ZNF385B: variants seen among roughly 807,000 people sequenced by gnomAD.
ZNF385B encodes zinc finger protein 385B.
A neutral mutation model predicts 39.2 loss-of-function variants in ZNF385B; 23 were observed. The ratio of observed to expected loss-of-function variants is 0.59; its 90% CI spans 0.42 to 0.83. The LOEUF is 0.83. Among genes scored for constraint, ZNF385B ranks in the 40% least tolerant of loss-of-function variants. The pLI is 0.00. For missense variants in ZNF385B, 552 were observed against 598.9 expected, an observed-to-expected ratio of 0.92 and a Z score of 0.82; for synonymous variants, 205 against 222.6, an observed-to-expected ratio of 0.92 and a Z score of 0.70.
intron 5 of ZNF385B, among the ~76,000 whole-genome samples, chr2:179,509,193 T>C (rs1421204885): frequency 6.6e-6 from 1 of 152,128 alleles, no homozygotes; most frequent in African/African-American, 2.4e-5. Context: ...TGATCCATCA[T>C]AATCACTTTT....
At chr2:179,816,733 A>G (rs914533504) in intron 1 of ZNF385B, among the ~76,000 whole-genome samples, 1 of 152,214 alleles carries the variant, frequency 6.6e-6, no homozygotes, top group Non-Finnish European at 1.5e-5. Context: ...TGAATAAAAT[A>G]AATATCTAAA....
intron 5 of ZNF385B, among the ~76,000 whole-genome samples, chr2:179,493,322 T>C (rs1261680518): frequency 2.0e-5 from 3 of 151,910 alleles, no homozygotes; most frequent in African/African-American, 7.2e-5. Context: ...ATGGCATGTA[T>C]ATGTGTACAT....
At chr2:179,723,450 C>A (rs115989927) in intron 3 of ZNF385B, among the ~76,000 whole-genome samples, 3,134 of 152,160 alleles carry the variant, frequency 0.021, 101 homozygotes, top group African/African-American at 0.069. Context: ...GTAGGATATA[C>A]AAAATATATT....
intron 7 of ZNF385B, 128 bp downstream of exon 7, chr2:179,446,397 C>T (rs1574161003): frequency 7.5e-7 from 1 of 1,326,390 alleles, no homozygotes; most frequent in Non-Finnish European, 1.0e-6. Context: ...AAAATCACTC[C>T]TTTGAATCAA....
chr2:179,729,476 A>C (rs1246882636), intron 3 of ZNF385B, among the ~76,000 whole-genome samples: 1 of 152,218 alleles, frequency 6.6e-6, no homozygotes, highest in Non-Finnish European at 1.5e-5. Flanking sequence ...GTGAAAACCA[A>C]AAGGATAAAC....
At chr2:179,545,605 G>C (rs1181065689) in intron 3 of ZNF385B, among the ~76,000 whole-genome samples, 2 of 152,114 alleles carry the variant, frequency 1.3e-5, no homozygotes, top group Admixed American at 6.6e-5. Context: ...AGGGTGTTGG[G>C]GGACAGGTAG....
At chr2:179,572,962 G>T (rs1685401364) in intron 3 of ZNF385B, among the ~76,000 whole-genome samples, 1 of 152,080 alleles carries the variant, frequency 6.6e-6, no homozygotes. Context: ...AAAATATGTG[G>T]CTATCATTAA....
At chr2:179,648,505 T>C (rs1056974744) in intron 3 of ZNF385B, among the ~76,000 whole-genome samples, 1 of 152,142 alleles carries the variant, frequency 6.6e-6, no homozygotes, top group African/African-American at 2.4e-5. Context: ...TGCACATATA[T>C]ACGTTTGCTC....
At chr2:179,807,622 G>A (rs1013605518) in intron 1 of ZNF385B, among the ~76,000 whole-genome samples, 1 of 150,394 alleles carries the variant, frequency 6.6e-6, no homozygotes, top group East Asian at 2.0e-4. Context: ...AAGGCCAGGT[G>A]CGGTGGCTCA....
At chr2:179,777,018 T>C (rs1704362760) in intron 1 of ZNF385B, among the ~76,000 whole-genome samples, 2 of 152,060 alleles carry the variant, frequency 1.3e-5, no homozygotes, top group African/African-American at 4.8e-5. Flanking sequence ...AGTGCTATGA[T>C]TAATTCAGCT....
chr2:179,618,788 T>G (rs1307618117), intron 3 of ZNF385B, among the ~76,000 whole-genome samples: 1 of 152,178 alleles, frequency 6.6e-6, no homozygotes, highest in African/African-American at 2.4e-5. Context: ...ACTTCCATGT[T>G]TCTGCTGCCA....
intron 5 of ZNF385B, 47 bp downstream of exon 5, chr2:179,518,481 T>C (rs1473603451): frequency 7.4e-7 from 1 of 1,354,008 alleles, no homozygotes; most frequent in East Asian, 2.4e-5. Flanking sequence ...TCAATCAGAC[T>C]TTTAGCTCTG....
intron 3 of ZNF385B, among the ~76,000 whole-genome samples, chr2:179,693,710 C>T (rs767005370): frequency 1.3e-5 from 2 of 152,040 alleles, no homozygotes; most frequent in Middle Eastern, 3.2e-3. Context: ...ATCACAGGTA[C>T]GAACAGATTG....
At chr2:179,762,833 T>C (rs778986909) in intron 3 of ZNF385B, among the ~76,000 whole-genome samples, 1 of 152,210 alleles carries the variant, frequency 6.6e-6, no homozygotes, top group Non-Finnish European at 1.5e-5. Context: ...AATTTGTTTT[T>C]CAAGTGCTTT....
At chr2:179,809,947 G>T (rs1559215275) in intron 1 of ZNF385B, among the ~76,000 whole-genome samples, 11 of 151,918 alleles carry the variant, frequency 7.2e-5, no homozygotes. Flanking sequence ...AATGTAATGA[G>T]ATAATAATGA....
At chr2:179,632,850 A>G (rs150922191) in intron 3 of ZNF385B, among the ~76,000 whole-genome samples, 5,628 of 152,336 alleles carry the variant, frequency 0.037, 145 homozygotes, top group Middle Eastern at 0.065. Context: ...AATAGACACA[A>G]TAAAAAATGA....
At chr2:179,634,694 C>T (rs1691569556) in intron 3 of ZNF385B, among the ~76,000 whole-genome samples, 1 of 152,126 alleles carries the variant, frequency 6.6e-6, no homozygotes, top group African/African-American at 2.4e-5. Flanking sequence ...CCAGCAATCC[C>T]ATTACTGGGT....
At chr2:179,689,054 T>C (rs1391528564) in intron 3 of ZNF385B, among the ~76,000 whole-genome samples, 4 of 152,198 alleles carry the variant, frequency 2.6e-5, no homozygotes, top group Admixed American at 6.5e-5. Context: ...GAGATCTATA[T>C]TTAGAGGATG....
At chr2:179,734,214 T>C (rs1409339886) in intron 3 of ZNF385B, among the ~76,000 whole-genome samples, 1 of 152,244 alleles carries the variant, frequency 6.6e-6, no homozygotes. Context: ...AATCTTTATG[T>C]ATATGTATAT....
Sources: gnomAD v4.1 joint callset for allele counts (sites outside exome capture counted in the v4.1 genomes callset) on GRCh38, gnomAD v4.1.1 for gene constraint, MANE v1.5 for transcripts, NCBI Gene and HGNC (gene_info 2026-07-23, HGNC 2026-07-21) for gene names.